The following NRG3 variants were observed in gnomAD, a reference collection of about 807,000 sequenced individuals.
NRG3 encodes the protein pro-neuregulin-3, membrane-bound isoform.
A neutral mutation model predicts 66.9 loss-of-function variants in NRG3; 31 were observed. The ratio of observed to expected loss-of-function variants is 0.46; its 90% CI spans 0.35 to 0.63. The LOEUF is 0.63. NRG3 is among the 20% of genes least tolerant of loss of function. The pLI, the probability that NRG3 is intolerant of heterozygous loss-of-function variation, is 0.00. For missense variants in NRG3, 910 were observed against 878.9 expected (o/e 1.04, Z -0.45); for synonymous variants, 393 against 359.4 (o/e 1.09, Z -1.06).
chr10:82,398,524 T>TGA (rs1488757627), intron 2 of NRG3, among the ~76,000 whole-genome samples: 64 of 141,234 alleles, frequency 4.5e-4, no homozygotes, highest in African/African-American at 1.3e-3. Context: ...TGTGTGTGTG[T>TGA]GTGAGAGAGA....
At chr10:82,264,896 G>A (rs911193742) in intron 1 of NRG3, among the ~76,000 whole-genome samples, 2 of 152,144 alleles carry the variant, frequency 1.3e-5, no homozygotes, top group Non-Finnish European at 2.9e-5. Flanking sequence ...AAAGAGAGAA[G>A]GGAGGGAAGT....
chr10:81,904,630 G>T (rs934921027), intron 1 of NRG3, among the ~76,000 whole-genome samples: 1 of 152,048 alleles, frequency 6.6e-6, no homozygotes, highest in Non-Finnish European at 1.5e-5. Flanking sequence ...ACTTTTACCA[G>T]GTGAGGACTT....
intron 1 of NRG3, among the ~76,000 whole-genome samples, chr10:81,925,056 C>T (rs1846637298): frequency 1.3e-5 from 2 of 152,138 alleles, no homozygotes; most frequent in South Asian, 4.1e-4. Flanking sequence ...TCATTTGACC[C>T]CTGTGAGATT....
intron 1 of NRG3, among the ~76,000 whole-genome samples, chr10:82,031,035 C>T (rs1435734120): frequency 2.0e-5 from 3 of 152,126 alleles, no homozygotes; most frequent in Non-Finnish European, 2.9e-5. Flanking sequence ...TTTTAAATAA[C>T]CTGAAACACA....
chr10:81,922,661 C>T (rs1257336238), intron 1 of NRG3, among the ~76,000 whole-genome samples: 6 of 152,116 alleles, frequency 3.9e-5, no homozygotes, highest in East Asian at 1.9e-4. Context: ...TCCTGTCTTT[C>T]GGGGGGTCAG....
At chr10:82,084,128 T>C (rs1564546081) in intron 1 of NRG3, among the ~76,000 whole-genome samples, 1 of 151,936 alleles carries the variant, frequency 6.6e-6, no homozygotes, top group Non-Finnish European at 1.5e-5. Flanking sequence ...CTCAGGAGGC[T>C]GAGGCAGGAG....
At chr10:82,086,408 A>T (rs1038548213) in intron 1 of NRG3, among the ~76,000 whole-genome samples, 3 of 148,836 alleles carry the variant, frequency 2.0e-5, no homozygotes, top group South Asian at 4.2e-4. Flanking sequence ...TTGCAGTTCA[A>T]TTTTTTTTTT....
At chr10:82,363,282 T>C (rs2084304949) in intron 2 of NRG3, among the ~76,000 whole-genome samples, 2 of 152,182 alleles carry the variant, frequency 1.3e-5, no homozygotes, top group Non-Finnish European at 2.9e-5. Context: ...AGGTGTTTTT[T>C]TCCTATCCTT....
chr10:82,342,578 G>A (rs574868580), intron 1 of NRG3, among the ~76,000 whole-genome samples: 1 of 152,116 alleles, frequency 6.6e-6, no homozygotes, highest in Admixed American at 6.6e-5. Context: ...CTTTTAAAAA[G>A]TGTGTGTTTA....
chr10:82,879,858 C>A (rs1345851668), intron 4 of NRG3, among the ~76,000 whole-genome samples: 1 of 151,074 alleles, frequency 6.6e-6, no homozygotes, highest in Non-Finnish European at 1.5e-5. Flanking sequence ...ATGTTTCCAA[C>A]AGGATTGGAA....
chr10:82,302,761 G>A (rs1050635822), intron 1 of NRG3, among the ~76,000 whole-genome samples: 3 of 152,290 alleles, frequency 2.0e-5, no homozygotes, highest in Admixed American at 1.3e-4. Flanking sequence ...AACTTTAAAT[G>A]TGACAAGAAA....
At chr10:82,276,531 T>C (rs1444431300) in intron 1 of NRG3, among the ~76,000 whole-genome samples, 1 of 152,036 alleles carries the variant, frequency 6.6e-6, no homozygotes, top group Admixed American at 6.6e-5. Flanking sequence ...CTTCTTTGCA[T>C]TGTCACAAAG....
Position 82,809,872 on chromosome 10 carries a change from T to C in NRG3, c.1028-55539T>C, listed in dbSNP as rs192373143. ...CCATGACCTTGTCAATAAAACTTCA[T>C]TATTTTTTTTAAATTTAAGATAATC... On this transcript the variant is annotated intron_variant, in intron 3 of 8. Coordinates refer to ENST00000372141, the MANE Select transcript of NRG3 (RefSeq NM_001010848.4). Among the ~76,000 whole-genome samples, 37 of 152,046 alleles carry C rather than the reference T, an allele frequency of 2.4e-4. No individual in the cohort carries two copies. In the East Asian group the frequency reaches 6.9e-3, roughly 29 times the overall value.
chr10:82,676,370 A>G (rs890308695), intron 2 of NRG3, among the ~76,000 whole-genome samples: 3 of 152,222 alleles, frequency 2.0e-5, no homozygotes, highest in African/African-American at 7.2e-5. Context: ...CATTCTTTGT[A>G]ACTCTAAAGG....
intron 4 of NRG3, among the ~76,000 whole-genome samples, chr10:82,937,898 T>C (rs1848237560): frequency 6.6e-6 from 1 of 152,172 alleles, no homozygotes; most frequent in South Asian, 2.1e-4. Flanking sequence ...AGTTGAACAC[T>C]TGAAACATGG....
chr10:82,750,016 C>T (rs184083670), intron 3 of NRG3, among the ~76,000 whole-genome samples: 69 of 152,290 alleles, frequency 4.5e-4, no homozygotes, highest in Admixed American at 9.2e-4. Flanking sequence ...CAGACACAAC[C>T]ACTTTCTGCA....
intron 2 of NRG3, among the ~76,000 whole-genome samples, chr10:82,509,375 C>A (rs1393731005): frequency 1.3e-5 from 2 of 151,972 alleles, no homozygotes; most frequent in Non-Finnish European, 1.5e-5. Context: ...AATTATTATG[C>A]AAAAAGTATC....
chr10:82,219,345 T>C (rs1225763474), intron 1 of NRG3, among the ~76,000 whole-genome samples: 1 of 145,084 alleles, frequency 6.9e-6, no homozygotes, highest in East Asian at 2.1e-4. Context: ...CATTGTCAGA[T>C]GTCTTCTGGG....
At chr10:82,779,460 A>G (rs908453065) in intron 3 of NRG3, among the ~76,000 whole-genome samples, 1 of 152,006 alleles carries the variant, frequency 6.6e-6, no homozygotes, top group Admixed American at 6.5e-5. Context: ...AGTTGCTCTG[A>G]CCAAAATATA....
Sources: gnomAD v4.1 joint callset for allele counts (sites outside exome capture counted in the v4.1 genomes callset) on GRCh38, gnomAD v4.1.1 for gene constraint, MANE v1.5 for transcripts, NCBI Gene and HGNC (gene_info 2026-07-23, HGNC 2026-07-21) for gene names.